Variants in SH3RF1 observed in about 807,000 individuals in gnomAD.
SH3RF1 encodes SH3 domain containing ring finger 1.
A neutral mutation model predicts 74.0 loss-of-function variants in SH3RF1; 32 were observed. That is an observed-to-expected ratio of 0.43 (90% CI 0.33 to 0.58). The LOEUF (loss-of-function observed/expected upper bound fraction) is 0.58, where lower values mean the gene tolerates loss of function less well. SH3RF1 is among the 20% of genes least tolerant of loss of function. The pLI, the probability that SH3RF1 is intolerant of heterozygous loss-of-function variation, is 0.05. For missense variants in SH3RF1, 954 were observed against 1,130.9 expected (o/e 0.84, Z 2.24); for synonymous variants, 396 against 439.6 (o/e 0.90, Z 1.24).
chr4:169,246,375 A>G (rs1377180407), intron 2 of SH3RF1, among the ~76,000 whole-genome samples: 2 of 152,216 alleles, frequency 1.3e-5, no homozygotes, highest in African/African-American at 2.4e-5. Flanking sequence ...GGTGTGCTAT[A>G]TAGATATTAT....
chr4:169,230,670 C>A (rs569771374), intron 2 of SH3RF1, among the ~76,000 whole-genome samples: 2 of 152,052 alleles, frequency 1.3e-5, no homozygotes, highest in African/African-American at 4.8e-5. Flanking sequence ...ACCAGCCTGG[C>A]CAACATGGTG....
At chr4:169,255,529 G>T (rs191197921) in intron 2 of SH3RF1, among the ~76,000 whole-genome samples, 1 of 151,660 alleles carries the variant, frequency 6.6e-6, no homozygotes, top group Non-Finnish European at 1.5e-5. Flanking sequence ...GGTGGGCAAG[G>T]TTGGGGAAGG....
Position 169,180,684 on chromosome 4 carries a change from G to A in SH3RF1, c.394-24005C>T, listed in dbSNP as rs72985100. ...CTTAAGTAAATAATATTCAGTAAAAGCACTTCATAGACACTGTGAAATCGT... is the reference window on the plus strand; with the variant it reads ...CTTAAGTAAATAATATTCAGTAAAAACACTTCATAGACACTGTGAAATCGT... On this transcript the variant is annotated intron_variant, in intron 2 of 11. Transcript: ENST00000284637. Among the ~76,000 whole-genome samples the A allele has an allele frequency of 5.4e-3, 821 of 152,168 alleles. 7 individuals carry two copies. Among genetic ancestry groups the A allele is most frequent in the African/African-American group, 0.019 (791 of 41,492 alleles).
chr4:169,227,403 C>T lies in SH3RF1; in HGVS notation c.393+41417G>A, dbSNP rs1197155579. On this transcript the variant is annotated intron_variant, in intron 2 of 11. Transcript: ENST00000284637. ...CTGTATTTATCACCAAATATTTCAT[C>T]TTTCACTGATAGGTACATGACAAAG... Among the ~76,000 whole-genome samples, 3 of 152,162 alleles carry T rather than the reference C, an allele frequency of 2.0e-5. No homozygotes were observed. The East Asian group carries it at 5.8e-4, about 29-fold the overall frequency.
intron 2 of SH3RF1, among the ~76,000 whole-genome samples, chr4:169,172,662 G>A (rs1193608958): frequency 6.6e-6 from 1 of 152,194 alleles, no homozygotes; most frequent in African/African-American, 2.4e-5. Flanking sequence ...TGATCAGATT[G>A]AGGGATGCCT....
intron 2 of SH3RF1, among the ~76,000 whole-genome samples, chr4:169,263,287 G>C (rs1189152349): frequency 1.3e-5 from 2 of 152,022 alleles, no homozygotes; most frequent in Non-Finnish European, 2.9e-5. Flanking sequence ...ATCATAGATA[G>C]AGACTTATTC....
At chr4:169,132,324 T>C (rs1733632424) in intron 5 of SH3RF1, among the ~76,000 whole-genome samples, 1 of 152,192 alleles carries the variant, frequency 6.6e-6, no homozygotes, top group Non-Finnish European at 1.5e-5. Flanking sequence ...GTTAATGACC[T>C]CATGGTTTTG....
intron 4 of SH3RF1, among the ~76,000 whole-genome samples, chr4:169,152,174 G>A (rs562245622): frequency 6.6e-6 from 1 of 152,204 alleles, no homozygotes; most frequent in Admixed American, 6.5e-5. Context: ...TGAAGAAAGG[G>A]CCTGTCTAAA....
At chr4:169,164,824 G>A (rs577278224) in intron 2 of SH3RF1, among the ~76,000 whole-genome samples, 22 of 152,302 alleles carry the variant, frequency 1.4e-4, no homozygotes, top group Admixed American at 1.4e-3. Flanking sequence ...CTCATTTGGT[G>A]GTTAGGAGGA....
chr4:169,249,072 A>G (rs1233613344), intron 2 of SH3RF1, among the ~76,000 whole-genome samples: 1 of 151,984 alleles, frequency 6.6e-6, no homozygotes, highest in Non-Finnish European at 1.5e-5. Flanking sequence ...CTAAAAATAC[A>G]AAAAAATTAG....
intron 10 of SH3RF1, among the ~76,000 whole-genome samples, chr4:169,111,208 G>A (rs529327598): frequency 2.7e-5 from 4 of 150,290 alleles, no homozygotes; most frequent in African/African-American, 9.8e-5. Flanking sequence ...GGCTGAGGTG[G>A]GAGGATTACT....
rs56229906 is a variant in SH3RF1 at position 169,255,622 on chromosome 4, T to TACACACACACACACACACACACAC, written c.393+13174_393+13197dup. 1.0e-3 allele frequency among the ~76,000 whole-genome samples: 127 copies of TACACACACACACACACACACACAC among 124,690 alleles called. 1 individual carries two copies. The highest frequency in any genetic ancestry group is 4.3e-3 in the Middle Eastern group (1 of 234). The allele number at this position is 124,690 out of a possible 152,430, so 81.8% of individuals were successfully genotyped here. A position where few individuals can be genotyped will look rare whatever the true frequency, so the allele number is the denominator to read the frequency against. ...ATACATACACACATACATACACACATACACACACACACACACACACACACA... is the reference window on the plus strand; with the variant it reads ...ATACATACACACATACATACACACATACACACACACACACACACACACACACACACACACACACACACACACACA... On this transcript the variant is annotated intron_variant, in intron 2 of 11. Coordinates refer to ENST00000284637, the MANE Select transcript of SH3RF1 (RefSeq NM_020870.4).
chr4:169,107,454 CCTCCTT>C (rs1306226928), intron 10 of SH3RF1, among the ~76,000 whole-genome samples: 19 of 152,214 alleles, frequency 1.2e-4, no homozygotes, highest in African/African-American at 3.9e-4. Flanking sequence ...TTTTGCTTCT[CCTCCTT>C]CTCCCTTTCT....
chr4:169,265,215 T>C (rs1237267761), intron 2 of SH3RF1, among the ~76,000 whole-genome samples: 4 of 152,218 alleles, frequency 2.6e-5, no homozygotes, highest in Non-Finnish European at 5.9e-5. Flanking sequence ...AAGCTAAGAA[T>C]GGTTTGTCTA....
chr4:169,248,426 G>T (rs1461635163), intron 2 of SH3RF1, among the ~76,000 whole-genome samples: 3 of 152,128 alleles, frequency 2.0e-5, no homozygotes, highest in Non-Finnish European at 4.4e-5. Flanking sequence ...TCATAAGTGG[G>T]AGTCGAATAA....
At chr4:169,127,068 G>A (rs1264253933) in intron 6 of SH3RF1, among the ~76,000 whole-genome samples, 2 of 152,114 alleles carry the variant, frequency 1.3e-5, no homozygotes, top group East Asian at 1.9e-4. Context: ...CAGAAGATAC[G>A]AGACTAAGAT....
chr4:169,263,863 A>G (rs942461693), intron 2 of SH3RF1, among the ~76,000 whole-genome samples: 21 of 152,226 alleles, frequency 1.4e-4, no homozygotes, highest in Admixed American at 1.2e-3. Context: ...GTATACTGTC[A>G]CATAAACTTC....
At chr4:169,117,956 CAG>C (rs1733365539) in intron 8 of SH3RF1, among the ~76,000 whole-genome samples, 174 bp from the exon 9 acceptor site, 1 of 152,162 alleles carries the variant, frequency 6.6e-6, no homozygotes, top group Admixed American at 6.5e-5. Flanking sequence ...ATGGCTGAGA[CAG>C]AGAAAGGTCT....
At chr4:169,127,110 A>T (rs920744974) in intron 6 of SH3RF1, among the ~76,000 whole-genome samples, 12 of 152,350 alleles carry the variant, frequency 7.9e-5, no homozygotes, top group Middle Eastern at 3.4e-3. Flanking sequence ...AGAGATTTTT[A>T]AAAAATCACT....
Sources: gnomAD v4.1 joint callset for allele counts (sites outside exome capture counted in the v4.1 genomes callset) on GRCh38, gnomAD v4.1.1 for gene constraint, MANE v1.5 for transcripts, NCBI Gene and HGNC (gene_info 2026-07-23, HGNC 2026-07-21) for gene names.